The following EPDR1 variants were observed in gnomAD, a reference collection of about 807,000 sequenced individuals.
EPDR1 encodes ependymin related 1, also known as mammalian ependymin-related protein 1.
Under a neutral mutation model 23.7 loss-of-function variants are expected in EPDR1, and 27 were observed. That is an observed-to-expected ratio of 1.14 (90% CI 0.84 to 1.57). The LOEUF (loss-of-function observed/expected upper bound fraction) is 1.57. Among genes scored for constraint, EPDR1 ranks in the 40% most tolerant of loss-of-function variants. EPDR1 has a pLI of 0.00. For synonymous variants in EPDR1, 137 were observed against 118.2 expected, an observed-to-expected ratio of 1.16 and a Z score of -1.03; for missense variants, 349 against 290.4, an observed-to-expected ratio of 1.20 and a Z score of -1.47.
intron 1 of EPDR1, among the ~76,000 whole-genome samples, chr7:37,941,133 A>G (rs761948269): frequency 6.6e-5 from 10 of 152,234 alleles, no homozygotes; most frequent in Non-Finnish European, 1.0e-4. Flanking sequence ...ATTGTTTGTC[A>G]TACATTGAAT....
At chr7:37,932,122 A>C (rs1364684998) in intron 1 of EPDR1, among the ~76,000 whole-genome samples, 1 of 151,868 alleles carries the variant, frequency 6.6e-6, no homozygotes, top group Non-Finnish European at 1.5e-5. Flanking sequence ...CTGTCTTCCA[A>C]ATGTCTTCTT....
At chr7:37,949,667 CA>C (rs1361119117) in intron 2 of EPDR1, among the ~76,000 whole-genome samples, 1 of 152,178 alleles carries the variant, frequency 6.6e-6, no homozygotes, top group Non-Finnish European at 1.5e-5. Context: ...TTTGTACACC[CA>C]TGTCCACAGC....
At chr7:37,947,485 C>T (rs1786299792) in intron 1 of EPDR1, among the ~76,000 whole-genome samples, 1 of 152,222 alleles carries the variant, frequency 6.6e-6, no homozygotes, top group South Asian at 2.1e-4. Context: ...CCATTTCTAA[C>T]ATTTTTTTCC....
intron 1 of EPDR1, among the ~76,000 whole-genome samples, chr7:37,926,478 CAAAAAAAAAAA>C (rs55920283): frequency 8.3e-6 from 1 of 120,448 alleles, no homozygotes; most frequent in Admixed American, 8.9e-5. Context: ...TTCTTCATAG[CAAAAAAAAAAA>C]AAAAAAAAAG....
chr7:37,929,721 C>A (rs1425057486), intron 1 of EPDR1, among the ~76,000 whole-genome samples: 1 of 152,126 alleles, frequency 6.6e-6, no homozygotes, highest in East Asian at 1.9e-4. Context: ...AATTACACTG[C>A]AGTGTTTTGA....
intron 1 of EPDR1, chr7:37,926,838 A>G (rs1181098412): frequency 7.7e-6 from 3 of 388,786 alleles, no homozygotes; most frequent in East Asian, 7.3e-5. Context: ...TTTTAAAACC[A>G]TGTACATATC....
chr7:37,948,885 G>C lies in EPDR1; in HGVS notation c.315G>C (p.Gln105His). Residue 105 changes from glutamine (Q) to histidine (H), a missense_variant, in exon 2 of 3, where the codon CAG (glutamine) becomes CAC (histidine). Physicochemically the swap from Gln to His is conservative, Grantham distance 24. Transcript: ENST00000199448. ...TGTATAAGGATGGAGTGATGTTTCA[G>C]ATTGACCAAGCCACCAAGCAGTGCT... ...ILLYKDGVMF[Q>H]IDQATKQCSK... 6.2e-7 allele frequency: 1 copy of C among 1,614,154 alleles called. No individual in the cohort carries two copies. The highest frequency in any genetic ancestry group is 8.5e-7 in the Non-Finnish European group (1 of 1,180,042).
chr7:37,935,276 A>G (rs1461736200), intron 1 of EPDR1, among the ~76,000 whole-genome samples: 1 of 152,206 alleles, frequency 6.6e-6, no homozygotes, highest in Admixed American at 6.5e-5. Context: ...GGGATCCACC[A>G]TAGCACTCAG....
chr7:37,923,922 T>C (rs529227490), intron 1 of EPDR1, among the ~76,000 whole-genome samples: 22 of 152,170 alleles, frequency 1.4e-4, no homozygotes, highest in Non-Finnish European at 2.8e-4. Context: ...ATGGCCAAGG[T>C]TGGTCCCATC....
intron 2 of EPDR1, among the ~76,000 whole-genome samples, chr7:37,949,547 A>G (rs1786353431): frequency 6.6e-6 from 1 of 152,170 alleles, no homozygotes; most frequent in Non-Finnish European, 1.5e-5. Context: ...GGAACACAGT[A>G]TGGTGATTTC....
At chr7:37,921,387 C>T (rs750147380) in intron 1 of EPDR1, 179 bp downstream of exon 1, 2 of 1,389,300 alleles carry the variant, frequency 1.4e-6, no homozygotes, top group East Asian at 3.0e-5. Flanking sequence ...CTGGGAGGGG[C>T]GCTGCGCCCA....
chr7:37,921,051 G>T lies in EPDR1; in HGVS notation c.112G>T (p.Ala38Ser). ...CGLCSLGAVG[A>S]PRPCQAPQQW... The stretch of plus-strand genomic sequence containing the variant: ...CCTGTGCAGCCTGGGGGCGGTGGGA[G>T]CCCCGCGCCCGTGCCAGGCGCCGCA... Residue 38 changes from alanine (A) to serine (S), a missense_variant, in exon 1 of 3, where the codon GCC becomes TCC. Coordinates refer to ENST00000199448, the MANE Select transcript of EPDR1 (RefSeq NM_017549.5). 6.5e-7 allele frequency: 1 copy of T among 1,538,140 alleles called. No individual in the cohort carries two copies. The highest frequency in any genetic ancestry group is 8.7e-7 in the Non-Finnish European group (1 of 1,148,108).
Position 37,950,183 on chromosome 7 carries a change from C to T in EPDR1, c.479-17C>T. 1 of 1,566,442 alleles carries T rather than the reference C, an allele frequency of 6.4e-7. No individual in the cohort carries two copies. Among genetic ancestry groups the T allele is most frequent in the Non-Finnish European group, 8.7e-7 (1 of 1,149,692 alleles). On this transcript the variant is annotated splice_polypyrimidine_tract_variant and intron_variant, in intron 2 of 2. Transcript: ENST00000199448. ...CCTGTCTTCTTTATTTAAAAGTCAA[C>T]TTTTTTCCTCTTATAGATGAAACCT... is the stretch of plus-strand genomic sequence containing the variant.
intron 1 of EPDR1, chr7:37,921,465 C>A (rs1026161465): frequency 5.1e-6 from 7 of 1,371,022 alleles, no homozygotes; most frequent in Non-Finnish European, 5.6e-6. Context: ...AAGAAGGGAC[C>A]CATCCAGGGC....
At position 37,948,030 on chromosome 7, in the gene EPDR1, G is replaced by T. The variant is rs2290221; in HGVS notation, c.270-810G>T. ...TGCGCCCGTGCCGGATCAGCTATGCGCATCAAAGCCCCTTACTCATGACTG... is the reference window on the plus strand; with the variant it reads ...TGCGCCCGTGCCGGATCAGCTATGCTCATCAAAGCCCCTTACTCATGACTG... On this transcript the variant is annotated intron_variant, in intron 1 of 2. Coordinates refer to ENST00000199448, the MANE Select transcript of EPDR1 (RefSeq NM_017549.5). 7.2e-5 allele frequency among the ~76,000 whole-genome samples: 11 copies of T among 152,308 alleles called. No individual in the cohort carries two copies. The South Asian group carries it at 1.7e-3, about 23-fold the overall frequency.
At chr7:37,935,189 G>A (rs913394715) in intron 1 of EPDR1, among the ~76,000 whole-genome samples, 9 of 152,260 alleles carry the variant, frequency 5.9e-5, no homozygotes, top group African/African-American at 2.2e-4. Flanking sequence ...GGACTAATCA[G>A]TGTGATTTTC....
In EPDR1 at chr7:37,930,404, C is replaced by T. The variant is rs554758959; in HGVS notation, c.269+9196C>T. ...ATAACTTATGAGGAGTATCTGAGTACCAGCAGGCACTCTTGGGAGTGAAGG... is the reference window on the plus strand; with the variant it reads ...ATAACTTATGAGGAGTATCTGAGTATCAGCAGGCACTCTTGGGAGTGAAGG... On this transcript the variant is annotated intron_variant, in intron 1 of 2. Coordinates refer to ENST00000199448, the MANE Select transcript of EPDR1 (RefSeq NM_017549.5). 2.6e-5 allele frequency among the ~76,000 whole-genome samples: 4 copies of T among 152,310 alleles called. No individual in the cohort carries two copies. The South Asian group carries it at 8.3e-4, about 32-fold the overall frequency.
At chr7:37,922,329 C>G (rs1050916045) in intron 1 of EPDR1, among the ~76,000 whole-genome samples, 1 of 152,130 alleles carries the variant, frequency 6.6e-6, no homozygotes, top group Non-Finnish European at 1.5e-5. Context: ...CCCTTTCAAA[C>G]AATATCAAGG....
At chr7:37,932,742 A>C (rs1158626624) in intron 1 of EPDR1, among the ~76,000 whole-genome samples, 1 of 152,184 alleles carries the variant, frequency 6.6e-6, no homozygotes, top group Admixed American at 6.5e-5. Flanking sequence ...ATATCTCAGT[A>C]CTAATGATGC....
Sources: allele counts gnomAD v4.1 joint callset (sites outside exome capture counted in the v4.1 genomes callset), GRCh38; gene constraint gnomAD v4.1.1; transcripts MANE v1.5; gene names NCBI Gene and HGNC (gene_info 2026-07-23, HGNC 2026-07-21).